Variants in ZNF618 observed in about 807,000 individuals in gnomAD.
ZNF618 encodes the protein zinc finger protein 618.
Under a neutral mutation model 103.0 loss-of-function variants are expected in ZNF618, and 34 were observed. That is an observed-to-expected ratio of 0.33 (90% CI 0.25 to 0.44). ZNF618 has a LOEUF of 0.44. Ranked by LOEUF, ZNF618 falls within the 20% of genes least tolerant of loss-of-function variation. The probability of loss-of-function intolerance (pLI) is 1.00; values close to 1 mark genes in which losing one functional copy is unlikely to be tolerated. For missense variants in ZNF618, 1,059 were observed against 1,295.4 expected (o/e 0.82, Z 2.80); for synonymous variants, 551 against 542.2 (o/e 1.02, Z -0.23).
At chr9:113,913,395 G>T (rs1325091823) in intron 1 of ZNF618, among the ~76,000 whole-genome samples, 1 of 152,234 alleles carries the variant, frequency 6.6e-6, no homozygotes, top group East Asian at 1.9e-4. Context: ...ACATCCCCCT[G>T]ACAAACCCTG....
chr9:114,005,838 A>G (rs1841700552), intron 6 of ZNF618, among the ~76,000 whole-genome samples: 1 of 152,232 alleles, frequency 6.6e-6, no homozygotes, highest in Non-Finnish European at 1.5e-5. Flanking sequence ...GAGAGGCCCC[A>G]GGAATCAGCT....
intron 13 of ZNF618, among the ~76,000 whole-genome samples, chr9:114,038,529 A>G (rs1844835038): frequency 6.6e-6 from 1 of 152,248 alleles, no homozygotes; most frequent in African/African-American, 2.4e-5. Context: ...CGCAGTTCAC[A>G]GCGCCGACGA....
intron 1 of ZNF618, among the ~76,000 whole-genome samples, chr9:113,881,370 G>C (rs1474510546): frequency 2.0e-5 from 3 of 152,108 alleles, no homozygotes; most frequent in Non-Finnish European, 2.9e-5. Flanking sequence ...CCCGTTGCGA[G>C]CCACATATAT....
intron 13 of ZNF618, among the ~76,000 whole-genome samples, chr9:114,045,487 A>T (rs1845576605): frequency 6.6e-6 from 1 of 151,946 alleles, no homozygotes; most frequent in Non-Finnish European, 1.5e-5. Context: ...ATTTTCCCCC[A>T]TTGAATTGTC....
At position 114,047,819 on chromosome 9, in the gene ZNF618, C is replaced by G; in HGVS notation, c.1247-74C>G. ...CCACATTCTGCTGTTACCCACCACA[C>G]TCTAGTTCTCATCTCGTTCCTCAAC... On this transcript the variant is annotated intron_variant, in intron 13 of 14. Transcript: ENST00000374126. The G allele has an allele frequency of 7.6e-6, 10 of 1,323,634 alleles. No individual in the cohort carries two copies. In the South Asian group the frequency reaches 1.3e-4, roughly 17 times the overall value. 82.0% of individuals were successfully genotyped at this position (1,323,634 alleles called of 1,614,324 possible).
At chr9:114,035,876 C>G (rs992991981) in intron 12 of ZNF618, among the ~76,000 whole-genome samples, 4 of 152,154 alleles carry the variant, frequency 2.6e-5, no homozygotes, top group Non-Finnish European at 5.9e-5. Flanking sequence ...TTCATACATT[C>G]ATTCATTTGT....
At chr9:113,926,032 T>A (rs188419027) in intron 1 of ZNF618, among the ~76,000 whole-genome samples, 34 of 152,334 alleles carry the variant, frequency 2.2e-4, no homozygotes, top group African/African-American at 7.5e-4. Context: ...GAAGAACTTT[T>A]AAAAATATTT....
intron 13 of ZNF618, among the ~76,000 whole-genome samples, chr9:114,044,500 C>A (rs1182424626): frequency 6.6e-6 from 1 of 152,028 alleles, no homozygotes; most frequent in African/African-American, 2.4e-5. Flanking sequence ...GTTCTTTTTT[C>A]TTAGCTTTGC....
intron 1 of ZNF618, among the ~76,000 whole-genome samples, chr9:113,894,083 TA>T (rs1263479659): frequency 6.6e-6 from 1 of 152,232 alleles, no homozygotes; most frequent in African/African-American, 2.4e-5. Context: ...ATCCTTGCAT[TA>T]TTTTTTTATA....
intron 1 of ZNF618, among the ~76,000 whole-genome samples, chr9:113,883,996 C>CTG (rs1355666070): frequency 4.0e-5 from 2 of 49,870 alleles, no homozygotes; most frequent in African/African-American, 1.2e-4. Flanking sequence ...CCCCCCCCCC[C>CTG]CCCCCCGCCC....
Position 113,876,430 on chromosome 9 carries a change from G to A in ZNF618, c.33+17G>A. 1 of 1,203,008 alleles carries A rather than the reference G, an allele frequency of 8.3e-7. No individual in the cohort carries two copies. Among genetic ancestry groups the A allele is most frequent in the Non-Finnish European group, 1.0e-6 (1 of 969,282 alleles). The allele number at this position is 1,203,008 out of a possible 1,614,324, so 74.5% of individuals were successfully genotyped here. A position where few individuals can be genotyped will look rare whatever the true frequency, so the allele number is the denominator to read the frequency against. On this transcript the variant is annotated intron_variant, in intron 1 of 14. Transcript: ENST00000374126. The stretch of plus-strand genomic sequence containing the variant: ...GCTCCGCAGGTACGACGGGGGGCCG[G>A]GGGCATGCACCGCGCGGGGGACCCC...
intron 1 of ZNF618, among the ~76,000 whole-genome samples, chr9:113,927,043 C>A (rs1833161548): frequency 6.6e-6 from 1 of 152,020 alleles, no homozygotes; most frequent in Middle Eastern, 3.2e-3. Flanking sequence ...TAAATAAATT[C>A]CCAAGTCTAT....
intron 1 of ZNF618, among the ~76,000 whole-genome samples, chr9:113,932,996 G>A (rs149957778): frequency 0.013 from 2,036 of 152,256 alleles, 17 homozygotes; most frequent in Non-Finnish European, 0.021. Context: ...AGGAGGAACC[G>A]GTCAATGGAC....
rs1420605748 is a variant in ZNF618 at position 113,951,544 on chromosome 9, T to TGTATATATGTAC, written c.34-17573_34-17572insGTATATATGTAC. Among the ~76,000 whole-genome samples the TGTATATATGTAC allele has an allele frequency of 1.0e-3, 62 of 59,210 alleles. 1 individual carries two copies. Among genetic ancestry groups the TGTATATATGTAC allele is most frequent in the Middle Eastern group, 0.02 (2 of 102 alleles). 38.8% of individuals were successfully genotyped at this position (59,210 alleles called of 152,430 possible). On this transcript the variant is annotated intron_variant, in intron 1 of 14. Coordinates refer to ENST00000374126, the MANE Select transcript of ZNF618 (RefSeq NM_001318042.2). The stretch of plus-strand genomic sequence containing the variant: ...ATGTACACATATGTGTGTACATATG[T>TGTATATATGTAC]ACACATATGTGTGTGTATATGTGTG...
chr9:114,024,226 A>C (rs1188804642), intron 10 of ZNF618, among the ~76,000 whole-genome samples: 1 of 152,204 alleles, frequency 6.6e-6, no homozygotes, highest in East Asian at 1.9e-4. Flanking sequence ...AGAAAAATCC[A>C]TTAAGTGAAC....
intron 10 of ZNF618, among the ~76,000 whole-genome samples, chr9:114,023,865 G>A (rs1281430255): frequency 6.6e-6 from 1 of 151,820 alleles, no homozygotes; most frequent in Non-Finnish European, 1.5e-5. Context: ...TTTTTTCTCT[G>A]GATGCTTTTA....
chr9:113,940,476 G>A (rs1374626240), intron 1 of ZNF618, among the ~76,000 whole-genome samples: 2 of 150,016 alleles, frequency 1.3e-5, no homozygotes, highest in Non-Finnish European at 3.0e-5. Context: ...TTTTCTTCCT[G>A]TTTCTCCTTT....
chr9:114,050,359 C>G lies in ZNF618; in HGVS notation c.*192C>G. The G allele has an allele frequency of 1.6e-6, 1 of 620,496 alleles. No homozygotes were observed. Among genetic ancestry groups the G allele is most frequent in the Non-Finnish European group, 2.6e-6 (1 of 381,648 alleles). 38.4% of individuals were successfully genotyped at this position (620,496 alleles called of 1,614,324 possible). On this transcript the variant is annotated 3_prime_UTR_variant, in exon 15 of 15. Transcript: ENST00000374126. ...ATGTACACAGCCACACGTGTGTGCA[C>G]GTGTCTGAACACGTGCTGTGGTTGT... is the stretch of plus-strand genomic sequence containing the variant.
chr9:113,901,685 C>T (rs1214603758), intron 1 of ZNF618, among the ~76,000 whole-genome samples: 4 of 152,142 alleles, frequency 2.6e-5, no homozygotes, highest in South Asian at 2.1e-4. Flanking sequence ...AGCTCATAAA[C>T]GCCACTGCTT....
Sources: gnomAD v4.1 joint callset for allele counts (sites outside exome capture counted in the v4.1 genomes callset) on GRCh38, gnomAD v4.1.1 for gene constraint, MANE v1.5 for transcripts, NCBI Gene and HGNC (gene_info 2026-07-23, HGNC 2026-07-21) for gene names.